The following FNDC3B variants were observed in gnomAD, a reference collection of about 807,000 sequenced individuals.
The protein encoded by FNDC3B is fibronectin type III domain containing 3B.
Under a neutral mutation model 151.5 loss-of-function variants are expected in FNDC3B, and 12 were observed. The observed-to-expected ratio is 0.08, with a 90% CI of 0.05 to 0.13. FNDC3B has a LOEUF of 0.13. FNDC3B is among the 10% of genes least tolerant of loss of function. The pLI is 1.00. For missense variants in FNDC3B, 1,214 were observed against 1,505.3 expected, an observed-to-expected ratio of 0.81 and a Z score of 3.20; for synonymous variants, 528 against 549.0, an observed-to-expected ratio of 0.96 and a Z score of 0.54.
intron 1 of FNDC3B, among the ~76,000 whole-genome samples, chr3:172,042,307 A>AAG (rs1277216788): frequency 2.0e-5 from 3 of 152,210 alleles, no homozygotes; most frequent in African/African-American, 7.2e-5. Flanking sequence ...ATCTGTGAGG[A>AAG]AGCTCTAGGC....
chr3:172,364,442 G>A (rs1489116086), intron 23 of FNDC3B, among the ~76,000 whole-genome samples: 1 of 152,210 alleles, frequency 6.6e-6, no homozygotes, highest in Non-Finnish European at 1.5e-5. Flanking sequence ...AGCTGAGTTG[G>A]GATAAAGGCC....
chr3:172,380,902 A>G (rs1735402245), intron 24 of FNDC3B, 64 bp from the exon 25 acceptor site: 2 of 1,564,904 alleles, frequency 1.3e-6, no homozygotes, highest in Non-Finnish European at 1.8e-6. Flanking sequence ...TAATAGTGCT[A>G]AAGTGTTGAC....
Position 172,352,410 on chromosome 3 carries a change from A to G in FNDC3B, c.2515-393A>G, listed in dbSNP as rs996722440. On this transcript the variant is annotated intron_variant, in intron 21 of 25. Coordinates refer to ENST00000415807, the MANE Select transcript of FNDC3B (RefSeq NM_022763.4). The surrounding 1 kb of genome is among the most constrained non-coding windows in gnomAD (Gnocchi z 4.2). Reference sequence around the variant, plus strand: ...ATTCCGGTCCCAGCTTTGCCTCTAAATCTGAGGCCTAAGTTATCATCTGAC... The same window carrying G: ...ATTCCGGTCCCAGCTTTGCCTCTAAGTCTGAGGCCTAAGTTATCATCTGAC... Among the ~76,000 whole-genome samples the G allele has an allele frequency of 6.6e-5, 10 of 152,136 alleles. No homozygotes were observed. The highest frequency in any genetic ancestry group is 1.5e-4 in the Non-Finnish European group (10 of 68,010).
At chr3:172,303,844 A>G (rs1731056584) in intron 9 of FNDC3B, among the ~76,000 whole-genome samples, 1 of 152,204 alleles carries the variant, frequency 6.6e-6, no homozygotes, top group East Asian at 1.9e-4. Flanking sequence ...GTTGCTGTCC[A>G]TTTACTGAAC....
intron 7 of FNDC3B, 44 bp from the exon 8 acceptor site, chr3:172,295,313 AAAATGT>A (rs771578611): frequency 1.5e-5 from 24 of 1,558,972 alleles, no homozygotes; most frequent in Non-Finnish European, 2.1e-5. Context: ...AATAATTCTG[AAAATGT>A]AAAATGGATT....
chr3:172,390,415 A>G (rs1390705124), intron 25 of FNDC3B, among the ~76,000 whole-genome samples: 1 of 152,124 alleles, frequency 6.6e-6, no homozygotes, highest in Non-Finnish European at 1.5e-5. Context: ...TTTAAAATAC[A>G]TTTTCAGATA....
At chr3:172,274,319 G>A (rs1278868338) in intron 6 of FNDC3B, among the ~76,000 whole-genome samples, 1 of 152,120 alleles carries the variant, frequency 6.6e-6, no homozygotes, top group Non-Finnish European at 1.5e-5. Flanking sequence ...TCTTCCAGCG[G>A]ATAGATTTGT....
chr3:172,311,420 C>G (rs1471393663), intron 11 of FNDC3B, among the ~76,000 whole-genome samples: 2 of 152,038 alleles, frequency 1.3e-5, no homozygotes, highest in Non-Finnish European at 2.9e-5. Flanking sequence ...GTTCATGTCA[C>G]CAGAGGCCCT....
At chr3:172,275,296 T>A (rs1306289155) in intron 6 of FNDC3B, among the ~76,000 whole-genome samples, 1 of 152,144 alleles carries the variant, frequency 6.6e-6, no homozygotes, top group East Asian at 1.9e-4. Context: ...ACTAGTTTCA[T>A]TCTGAGGGGG....
At chr3:172,359,414 G>A (rs951717690) in intron 22 of FNDC3B, among the ~76,000 whole-genome samples, 1 of 152,182 alleles carries the variant, frequency 6.6e-6, no homozygotes, top group African/African-American at 2.4e-5. Flanking sequence ...GCAGATGGCA[G>A]AAAGGATCTT....
At chr3:172,314,991 A>T (rs946959396) in intron 11 of FNDC3B, among the ~76,000 whole-genome samples, 2 of 152,250 alleles carry the variant, frequency 1.3e-5, no homozygotes, top group Non-Finnish European at 2.9e-5. Flanking sequence ...ACTGCCTGTT[A>T]TTTCTCCATT....
chr3:172,325,318 A>G (rs1270005392), intron 11 of FNDC3B, among the ~76,000 whole-genome samples: 1 of 152,230 alleles, frequency 6.6e-6, no homozygotes, highest in East Asian at 1.9e-4. Flanking sequence ...ATAGATTATA[A>G]TCTCTCAAAA....
chr3:172,230,523 C>T (rs1279511604), intron 4 of FNDC3B, among the ~76,000 whole-genome samples: 1 of 149,722 alleles, frequency 6.7e-6, no homozygotes, highest in African/African-American at 2.4e-5. Context: ...AAAAGAACAA[C>T]AACAACAAAA....
At chr3:172,045,209 T>G (rs1045856539) in intron 1 of FNDC3B, among the ~76,000 whole-genome samples, 8 of 152,224 alleles carry the variant, frequency 5.3e-5, no homozygotes, top group African/African-American at 1.9e-4. Context: ...AAATGATTTA[T>G]TTTTCTCTTT....
chr3:172,220,607 TTC>T (rs773695735), intron 3 of FNDC3B, among the ~76,000 whole-genome samples: 7 of 152,214 alleles, frequency 4.6e-5, no homozygotes, highest in Non-Finnish European at 1.0e-4. Context: ...GAAGATTTAC[TTC>T]TGTTTTCTTC....
At chr3:172,082,829 A>C (rs1718351130) in intron 1 of FNDC3B, among the ~76,000 whole-genome samples, 1 of 152,210 alleles carries the variant, frequency 6.6e-6, no homozygotes. Context: ...ACTGGATTGG[A>C]AATGCCAGTT....
chr3:172,399,537 T>A lies in FNDC3B; in HGVS notation c.*2062T>A, dbSNP rs938234861. 2 of 152,676 alleles carry A rather than the reference T, an allele frequency of 1.3e-5. No individual in the cohort carries two copies. The highest frequency in any genetic ancestry group is 2.9e-5 in the Non-Finnish European group (2 of 68,032). The allele number at this position is 152,676 out of a possible 1,614,324, so 9.5% of individuals were successfully genotyped here. A position where few individuals can be genotyped will look rare whatever the true frequency, so the allele number is the denominator to read the frequency against. On this transcript the variant is annotated 3_prime_UTR_variant, in exon 26 of 26. Coordinates refer to ENST00000415807, the MANE Select transcript of FNDC3B (RefSeq NM_022763.4). ...GAGTACTAGAGAGTTCTGTATTTTATTATTGACTATAATAATTAGTTTAAT... is the reference window on the plus strand; with the variant it reads ...GAGTACTAGAGAGTTCTGTATTTTAATATTGACTATAATAATTAGTTTAAT...
At chr3:172,249,124 G>A (rs1396670498) in intron 5 of FNDC3B, among the ~76,000 whole-genome samples, 1 of 151,708 alleles carries the variant, frequency 6.6e-6, no homozygotes. Flanking sequence ...AATGTATTCA[G>A]TGCTTTGACT....
At chr3:172,386,156 CT>C (rs1249151146) in intron 25 of FNDC3B, among the ~76,000 whole-genome samples, 5 of 152,118 alleles carry the variant, frequency 3.3e-5, no homozygotes, top group Non-Finnish European at 7.4e-5. Flanking sequence ...CTTAAAACTT[CT>C]TTTCAAATAG....
Sources: gnomAD v4.1 joint callset for allele counts (sites outside exome capture counted in the v4.1 genomes callset) on GRCh38, gnomAD v4.1.1 for gene constraint, Gnocchi (gnomAD v3.1) non-coding constraint, MANE v1.5 for transcripts, NCBI Gene and HGNC (gene_info 2026-07-23, HGNC 2026-07-21) for gene names.